The following SH2D3A variants were observed in gnomAD, a reference collection of about 807,000 sequenced individuals.
SH2D3A encodes SH2 domain-containing protein 3A.
SH2D3A carries 46 observed loss-of-function variants against 50.6 expected under a neutral mutation model. The ratio of observed to expected loss-of-function variants is 0.91; its 90% confidence interval spans 0.72 to 1.16. The LOEUF is 1.16. Ranked by LOEUF, SH2D3A falls within the 50% of genes most tolerant of loss-of-function variation. The pLI, the probability that SH2D3A is intolerant of heterozygous loss-of-function variation, is 0.00. For missense variants in SH2D3A, 783 were observed against 786.2 expected (o/e 1.00, Z 0.05); for synonymous variants, 377 against 348.4 (o/e 1.08, Z -0.91).
At chr19:6,755,805 G>A (rs564543504) in intron 4 of SH2D3A, among the ~76,000 whole-genome samples, 23 of 152,044 alleles carry the variant, frequency 1.5e-4, no homozygotes, top group African/African-American at 5.1e-4. Context: ...AAGGATGAGC[G>A]TGGTGGCCGA....
At chr19:6,761,746 G>A (rs1970029527) in intron 2 of SH2D3A, among the ~76,000 whole-genome samples, 1 of 152,042 alleles carries the variant, frequency 6.6e-6, no homozygotes, top group Admixed American at 6.6e-5. Flanking sequence ...TCAGGAGTTT[G>A]AGACCAGCCT....
rs187342490 is a variant in SH2D3A at position 6,761,897 on chromosome 19, C to T, written c.70-910G>A. Reference sequence around the variant, plus strand: ...CCAGGAGGCAGAGGTTGCAGTGAGCCGAGATGGAGCCATTGCACTCCAGCA... The same window carrying T: ...CCAGGAGGCAGAGGTTGCAGTGAGCTGAGATGGAGCCATTGCACTCCAGCA... On this transcript the variant is annotated intron_variant, in intron 2 of 9. Transcript: ENST00000245908. 5.5e-3 allele frequency among the ~76,000 whole-genome samples: 806 copies of T among 147,138 alleles called. 3 individuals carry two copies. Among genetic ancestry groups the T allele is most frequent in the Non-Finnish European group, 7.4e-3 (497 of 67,312 alleles).
intron 1 of SH2D3A, among the ~76,000 whole-genome samples, chr19:6,764,655 C>G (rs948900624): frequency 6.6e-6 from 1 of 151,760 alleles, no homozygotes; most frequent in South Asian, 2.1e-4. Flanking sequence ...GAGTGCTAGA[C>G]AAAAAAACTA....
At chr19:6,756,362 A>G (rs1263802917) in intron 4 of SH2D3A, among the ~76,000 whole-genome samples, 1 of 151,580 alleles carries the variant, frequency 6.6e-6, no homozygotes, top group East Asian at 1.9e-4. Flanking sequence ...AAAGTATAAA[A>G]AATTCACAAA....
At position 6,752,365 on chromosome 19, in the gene SH2D3A, C is replaced by G; in HGVS notation, c.*228G>C. On this transcript the variant is annotated 3_prime_UTR_variant, in exon 10 of 10. Coordinates refer to ENST00000245908, the MANE Select transcript of SH2D3A (RefSeq NM_005490.3). ...AGGTGAAGTCAACTGCTAGAAATCACGGCTTTTAAGAGGTGGAGTCACATT... is the reference window on the plus strand; with the variant it reads ...AGGTGAAGTCAACTGCTAGAAATCAGGGCTTTTAAGAGGTGGAGTCACATT... 2 of 398,214 alleles carry G rather than the reference C, an allele frequency of 5.0e-6. No individual in the cohort carries two copies. Among genetic ancestry groups the G allele is most frequent in the Non-Finnish European group, 4.4e-6 (1 of 226,132 alleles). The allele number at this position is 398,214 out of a possible 1,614,324, so 24.7% of individuals were successfully genotyped here.
Position 6,760,770 on chromosome 19 carries a change from A to C in SH2D3A, c.287T>G (p.Met96Arg), listed in dbSNP as rs932509223. 2.5e-6 allele frequency: 4 copies of C among 1,614,092 alleles called. No individual in the cohort carries two copies. The highest frequency in any genetic ancestry group is 2.7e-5 in the African/African-American group (2 of 74,952). ...PSIPALVHSYMTGRRPLSQAT... is the reference protein window; with the variant it reads ...PSIPALVHSYRTGRRPLSQAT... ...CTGGGACAGTGGGCGCCTGCCTGTC[A>C]TATAACTGTGAACCAGAGCCGGTAT... The change falls in exon 3 of 10, where the codon ATG (methionine) becomes AGG (arginine). Residue 96 changes from methionine (M) to arginine (R), a missense_variant. By Grantham distance (91) the Met-to-Arg change is moderately conservative. Coordinates refer to ENST00000245908, the MANE Select transcript of SH2D3A (RefSeq NM_005490.3).
At chr19:6,765,370 A>G (rs1376762160) in intron 1 of SH2D3A, among the ~76,000 whole-genome samples, 1 of 152,008 alleles carries the variant, frequency 6.6e-6, no homozygotes, top group African/African-American at 2.4e-5. Context: ...ACTTACAAAC[A>G]TCCATGGCTT....
Position 6,753,444 on chromosome 19 carries a change from G to C in SH2D3A, c.1570+12C>G. 2.0e-6 allele frequency: 3 copies of C among 1,492,822 alleles called. No homozygotes were observed. The highest frequency in any genetic ancestry group is 2.7e-6 in the Non-Finnish European group (3 of 1,114,060). The allele number at this position is 1,492,822 out of a possible 1,614,324, so 92.5% of individuals were successfully genotyped here. ...TCTGAAGTCTGCAGTCCAGCGCAGA[G>C]GGAACGCTCACCTCGCAGGCGCTGG... On this transcript the variant is annotated intron_variant, in intron 9 of 9. Transcript: ENST00000245908.
chr19:6,759,968 G>C (rs773953916), intron 3 of SH2D3A, among the ~76,000 whole-genome samples: 2 of 152,164 alleles, frequency 1.3e-5, no homozygotes, highest in Non-Finnish European at 2.9e-5. Flanking sequence ...GGCCGGGTGC[G>C]GTGGCTCACA....
chr19:6,765,461 C>G (rs1970256895), intron 1 of SH2D3A, among the ~76,000 whole-genome samples: 1 of 151,994 alleles, frequency 6.6e-6, no homozygotes, highest in Admixed American at 6.6e-5. Flanking sequence ...GAATGCAACG[C>G]TGGGGGCCAG....
At chr19:6,766,231 G>A (rs112394571) in intron 1 of SH2D3A, among the ~76,000 whole-genome samples, 1 of 152,204 alleles carries the variant, frequency 6.6e-6, no homozygotes, top group Non-Finnish European at 1.5e-5. Context: ...CTGGACCAGG[G>A]CTAGCCTCGG....
chr19:6,754,289 C>G lies in SH2D3A; in HGVS notation c.1234G>C (p.Gly412Arg). 1 of 1,584,728 alleles carries G rather than the reference C, an allele frequency of 6.3e-7. No individual in the cohort carries two copies. Among genetic ancestry groups the G allele is most frequent in the Non-Finnish European group, 8.5e-7 (1 of 1,172,212 alleles). ...LRPGAAGDLP[G>R]LAAVMGALLM... ...AGGGCGCCCATGACTGCAGCCAGCC[C>G]GGGCAGGTCCCCCGCCGCCCCTGGC... The change falls in exon 7 of 10, where the codon GGG (glycine) becomes CGG (arginine). Residue 412 changes from glycine to arginine, a missense_variant. Physicochemically the swap from Gly to Arg is moderately radical, Grantham distance 125. Coordinates refer to ENST00000245908, the MANE Select transcript of SH2D3A (RefSeq NM_005490.3).
At chr19:6,753,165 C>T (rs1969419530) in intron 9 of SH2D3A, 1 of 985,048 alleles carries the variant, frequency 1.0e-6, no homozygotes, top group African/African-American at 1.7e-5. Flanking sequence ...GATCGAGATC[C>T]CTGGGGGACG....
rs772251557 is a variant in SH2D3A at position 6,755,090 on chromosome 19, A to G, written c.722T>C (p.Val241Ala). 1 of 1,613,834 alleles carries G rather than the reference A, an allele frequency of 6.2e-7. No homozygotes were observed. Among genetic ancestry groups the G allele is most frequent in the African/African-American group, 1.3e-5 (1 of 74,864 alleles). The change falls in exon 5 of 10, where the codon GTC becomes GCC. Residue 241 changes from valine to alanine, a missense_variant. Physicochemically the swap from Val to Ala is moderately conservative, Grantham distance 64. Transcript: ENST00000245908. The stretch of plus-strand genomic sequence containing the variant: ...GCTTTGGCTCGGGGATGTTCCCTGG[A>G]CACTGGGCACTCGGGGCACCAGCTC... ...YCELVPRVPS[V>A]QGTSPSQSCP...
chr19:6,763,909 T>A, intron 1 of SH2D3A, 93 bp from the exon 2 acceptor site: 6 of 269,412 alleles, frequency 2.2e-5, no homozygotes, highest in Admixed American at 5.4e-5. Flanking sequence ...TCAAATCTTT[T>A]TTTTTTTTTT....
rs918565151 is a variant in SH2D3A at position 6,752,365 on chromosome 19, C to T, written c.*228G>A. ...AGGTGAAGTCAACTGCTAGAAATCA[C>T]GGCTTTTAAGAGGTGGAGTCACATT... On this transcript the variant is annotated 3_prime_UTR_variant, in exon 10 of 10. Transcript: ENST00000245908. 1 of 398,214 alleles carries T rather than the reference C, an allele frequency of 2.5e-6. No individual in the cohort carries two copies. The highest frequency in any genetic ancestry group is 3.6e-5 in the East Asian group (1 of 27,404). The allele number at this position is 398,214 out of a possible 1,614,324, so 24.7% of individuals were successfully genotyped here. A position where few individuals can be genotyped will look rare whatever the true frequency, so the allele number is the denominator to read the frequency against.
At chr19:6,766,747 T>A (rs1970320835) in intron 1 of SH2D3A, among the ~76,000 whole-genome samples, 1 of 152,140 alleles carries the variant, frequency 6.6e-6, no homozygotes, top group African/African-American at 2.4e-5. Flanking sequence ...ACAAGATGAA[T>A]GGAGAAGACA....
At chr19:6,766,415 G>A (rs770856764) in intron 1 of SH2D3A, among the ~76,000 whole-genome samples, 6 of 152,170 alleles carry the variant, frequency 3.9e-5, no homozygotes, top group Admixed American at 2.6e-4. Context: ...ATTCGGGCAC[G>A]GAAGAGAAGA....
chr19:6,754,364 C>T lies in SH2D3A; in HGVS notation c.1159G>A (p.Glu387Lys). Residue 387 changes from glutamate (E) to lysine (K), a missense_variant, in exon 7 of 10, where the codon GAG becomes AAG. Coordinates refer to ENST00000245908, the MANE Select transcript of SH2D3A (RefSeq NM_005490.3). ...AVLGCSGPLE[E>K]RAAALRGLVE... ...AGTCCCCTCAGTGCGGCTGCGCGCT[C>T]CTCCAGCGGCCCCGAGCAGCCCAGC... The T allele has an allele frequency of 6.4e-7, 1 of 1,563,334 alleles. No homozygotes were observed.
Sources: allele counts gnomAD v4.1 joint callset (sites outside exome capture counted in the v4.1 genomes callset), GRCh38; gene constraint gnomAD v4.1.1; transcripts MANE v1.5; gene names NCBI Gene and HGNC (gene_info 2026-07-23, HGNC 2026-07-21).